Variants in SPON1 observed in about 807,000 individuals in gnomAD.
SPON1 encodes the protein spondin-1.
SPON1 carries 52 observed loss-of-function variants against 111.7 expected under a neutral mutation model. The observed-to-expected ratio is 0.47, with a 90% confidence interval of 0.37 to 0.59. The LOEUF (loss-of-function observed/expected upper bound fraction) is 0.59. Ranked by LOEUF, SPON1 falls within the 20% of genes least tolerant of loss-of-function variation. The probability of loss-of-function intolerance (pLI) is 0.00; values close to 1 mark genes in which losing one functional copy is unlikely to be tolerated. For synonymous variants in SPON1, 410 were observed against 395.8 expected (o/e 1.04, Z -0.43); for missense variants, 957 against 1,068.5 (o/e 0.90, Z 1.46).
intron 4 of SPON1, among the ~76,000 whole-genome samples, chr11:14,079,549 G>A (rs1848944542): frequency 6.6e-6 from 1 of 152,110 alleles, no homozygotes; most frequent in Non-Finnish European, 1.5e-5. Flanking sequence ...TGGGAGGGGT[G>A]GGGAAGGAGA....
intron 1 of SPON1, among the ~76,000 whole-genome samples, chr11:13,974,612 G>A (rs897596165): frequency 2.6e-5 from 4 of 152,166 alleles, no homozygotes; most frequent in African/African-American, 9.7e-5. Context: ...TTGAGGCCAG[G>A]CTCTAGTGTG....
intron 5 of SPON1, among the ~76,000 whole-genome samples, chr11:14,081,819 G>A (rs370804575): frequency 2.0e-5 from 3 of 152,160 alleles, no homozygotes; most frequent in Admixed American, 6.5e-5. Flanking sequence ...TGATCCCCAC[G>A]CAGCCCACCC....
intron 6 of SPON1, among the ~76,000 whole-genome samples, chr11:14,140,497 C>G (rs535460339): frequency 1.0e-3 from 158 of 152,212 alleles, no homozygotes; most frequent in African/African-American, 3.3e-3. Context: ...TGGGTTCAAG[C>G]GATTCTCCTG....
intron 2 of SPON1, among the ~76,000 whole-genome samples, chr11:14,040,853 C>A (rs1554917208): frequency 1.3e-5 from 2 of 151,930 alleles, no homozygotes; most frequent in African/African-American, 4.8e-5. Context: ...GTCTAATATA[C>A]TATAGTTCTG....
chr11:14,240,579 A>G (rs1484538512), intron 6 of SPON1, among the ~76,000 whole-genome samples: 1 of 146,242 alleles, frequency 6.8e-6, no homozygotes, highest in Non-Finnish European at 1.5e-5. Context: ...CAAAAGGCCA[A>G]GAAGCAATAT....
intron 6 of SPON1, among the ~76,000 whole-genome samples, chr11:14,188,125 C>T (rs1848306718): frequency 6.6e-6 from 1 of 152,100 alleles, no homozygotes; most frequent in Admixed American, 6.5e-5. Flanking sequence ...CCACGCTGGT[C>T]TCAAACTCCT....
chr11:14,185,085 T>C (rs1332903718), intron 6 of SPON1, among the ~76,000 whole-genome samples: 5 of 152,228 alleles, frequency 3.3e-5, no homozygotes, highest in African/African-American at 1.2e-4. Flanking sequence ...TGCAACCCTC[T>C]TAGCCATGCA....
intron 5 of SPON1, among the ~76,000 whole-genome samples, chr11:14,104,527 T>G (rs1849170561): frequency 6.6e-6 from 1 of 152,040 alleles, no homozygotes; most frequent in South Asian, 2.1e-4. Context: ...ACTTTTGTTC[T>G]TTTTTTGTTC....
At chr11:14,204,321 C>A (rs1274474368) in intron 6 of SPON1, among the ~76,000 whole-genome samples, 2 of 152,158 alleles carry the variant, frequency 1.3e-5, no homozygotes, top group African/African-American at 4.8e-5. Context: ...TTTTATCTGT[C>A]TCTGAGGTTG....
At chr11:14,070,749 C>T (rs1848869101) in intron 3 of SPON1, among the ~76,000 whole-genome samples, 1 of 152,144 alleles carries the variant, frequency 6.6e-6, no homozygotes, top group South Asian at 2.1e-4. Flanking sequence ...AGCAAACCCA[C>T]AACTTCACAA....
In SPON1 at chr11:14,265,618, C is replaced by T. The variant is rs1554942409; in HGVS notation, c.2355C>T (p.Phe785=). 3 of 1,613,650 alleles carry T rather than the reference C, an allele frequency of 1.9e-6. No homozygotes were observed. Among genetic ancestry groups the T allele is most frequent in the Non-Finnish European group, 2.5e-6 (3 of 1,179,780 alleles). Reference sequence around the variant, plus strand: ...GTTACATGACTGTAAAGAAGAGATTCAAAAGCTCCCAGTTTACCAGCTGCA... The same window carrying T: ...GTTACATGACTGTAAAGAAGAGATTTAAAAGCTCCCAGTTTACCAGCTGCA... ...QERYMTVKKR[F]KSSQFTSCKD... Residue 785 remains phenylalanine (F), a synonymous_variant, in exon 16 of 16, where the codon TTC becomes TTT. Coordinates refer to ENST00000576479, the MANE Select transcript of SPON1 (RefSeq NM_006108.4).
At chr11:14,234,181 TG>T (rs1184324795) in intron 6 of SPON1, among the ~76,000 whole-genome samples, 7 of 152,226 alleles carry the variant, frequency 4.6e-5, no homozygotes, top group Admixed American at 4.6e-4. Context: ...GATCATGGGC[TG>T]GGCTTCCTCA....
At chr11:14,231,972 C>CGTGTGT (rs10650808) in intron 6 of SPON1, among the ~76,000 whole-genome samples, 3,692 of 149,500 alleles carry the variant, frequency 0.025, 37 homozygotes, top group African/African-American at 0.042. Context: ...CCTCCTACGC[C>CGTGTGT]GTGTGTGTGT....
chr11:14,146,523 A>C (rs7935160), intron 6 of SPON1, among the ~76,000 whole-genome samples: 61,205 of 151,446 alleles, frequency 0.4, 12,512 homozygotes, highest in East Asian at 0.55. Flanking sequence ...TATTCCCCCC[A>C]AAAAAAATAC....
intron 11 of SPON1, among the ~76,000 whole-genome samples, chr11:14,258,224 T>C (rs1278224574): frequency 1.3e-5 from 2 of 152,234 alleles, no homozygotes; most frequent in African/African-American, 4.8e-5. Flanking sequence ...TTAAGGAGCC[T>C]GTTAACAGTC....
chr11:14,028,705 C>T (rs1848537091), intron 2 of SPON1, among the ~76,000 whole-genome samples: 1 of 152,126 alleles, frequency 6.6e-6, no homozygotes, highest in South Asian at 2.1e-4. Context: ...TCTAGCAGCT[C>T]CAGGTCCCCT....
chr11:14,088,034 G>A (rs1283299532), intron 5 of SPON1, among the ~76,000 whole-genome samples: 1 of 152,030 alleles, frequency 6.6e-6, no homozygotes, highest in East Asian at 1.9e-4. Flanking sequence ...CTTTGCATGT[G>A]AGATGGGTCT....
chr11:14,144,957 T>C (rs1847701742), intron 6 of SPON1, among the ~76,000 whole-genome samples: 1 of 152,068 alleles, frequency 6.6e-6, no homozygotes, highest in African/African-American at 2.4e-5. Context: ...CCTCCTTTGT[T>C]CTCCCCTACC....
chr11:14,005,364 G>T (rs1184288672), intron 2 of SPON1, among the ~76,000 whole-genome samples: 1 of 152,182 alleles, frequency 6.6e-6, no homozygotes, highest in Admixed American at 6.5e-5. Context: ...TCCCCATTGA[G>T]ATCTGCTTCT....
Sources: allele counts gnomAD v4.1 joint callset (sites outside exome capture counted in the v4.1 genomes callset), GRCh38; gene constraint gnomAD v4.1.1; transcripts MANE v1.5; gene names NCBI Gene and HGNC (gene_info 2026-07-23, HGNC 2026-07-21).